Variants in KAT7 observed in about 807,000 individuals in gnomAD.
The protein encoded by KAT7 is lysine acetyltransferase 7, also known as histone acetyltransferase KAT7.
KAT7 carries 10 observed loss-of-function variants against 82.1 expected under a neutral mutation model. That is an observed-to-expected ratio of 0.12 (90% CI 0.08 to 0.21). The LOEUF (loss-of-function observed/expected upper bound fraction) is 0.21. KAT7 is among the 10% of genes least tolerant of loss of function. KAT7 has a pLI of 1.00. For synonymous variants in KAT7, 250 were observed against 262.5 expected (o/e 0.95, Z 0.46); for missense variants, 378 against 760.9 (o/e 0.50, Z 5.92).
At chr17:49,823,151 C>A in intron 11 of KAT7, 51 bp from the exon 12 acceptor site, 1 of 1,057,878 alleles carries the variant, frequency 9.5e-7, no homozygotes, top group Non-Finnish European at 1.5e-6. Flanking sequence ...GTGCTGAAAC[C>A]TTTGGTTTCA....
At chr17:49,821,834 G>A (rs370531234) in intron 11 of KAT7, 44 bp downstream of exon 11, 2 of 1,599,498 alleles carry the variant, frequency 1.3e-6, no homozygotes, top group Non-Finnish European at 1.7e-6. Flanking sequence ...CCAGAGCAGG[G>A]TGATCCATGT....
At chr17:49,808,269 G>A (rs113120031) in intron 5 of KAT7, among the ~76,000 whole-genome samples, 28 of 150,904 alleles carry the variant, frequency 1.9e-4, no homozygotes, top group African/African-American at 5.1e-4. Flanking sequence ...ACAGGTGTGC[G>A]CCACCACGCC....
chr17:49,817,894 G>A lies in KAT7; in HGVS notation c.1038G>A (p.Glu346=), dbSNP rs941266204. Residue 346 remains glutamate, a synonymous_variant, in exon 9 of 15, where the codon GAG becomes GAA. Coordinates refer to ENST00000259021, the MANE Select transcript of KAT7 (RefSeq NM_007067.5). Reference sequence around the variant, plus strand: ...AAACAATTGCTTTTGGCCGCTATGAGCTTGATACCTGGTATCATTCTCCAT... The same window carrying A: ...AAACAATTGCTTTTGGCCGCTATGAACTTGATACCTGGTATCATTCTCCAT... ...MIKTIAFGRY[E]LDTWYHSPYP... is the part of the protein sequence containing the mutation. The A allele has an allele frequency of 3.1e-6, 5 of 1,613,452 alleles. No individual in the cohort carries two copies. The African/African-American group carries it at 5.3e-5, about 17-fold the overall frequency.
intron 9 of KAT7, 50 bp from the exon 10 acceptor site, chr17:49,821,287 G>A: frequency 7.2e-7 from 1 of 1,391,340 alleles, no homozygotes. Context: ...TTGAGGAGCA[G>A]TCTTGTTGGG....
chr17:49,827,851 C>T lies in KAT7; in HGVS notation c.*349C>T, dbSNP rs948187669. 1.2e-4 allele frequency: 27 copies of T among 216,630 alleles called. No individual in the cohort carries two copies. The Admixed American group carries it at 1.3e-3, about 11-fold the overall frequency. The allele number at this position is 216,630 out of a possible 1,614,324, so 13.4% of individuals were successfully genotyped here. A position where few individuals can be genotyped will look rare whatever the true frequency, so the allele number is the denominator to read the frequency against. ...ATGAGGTTGTGTTGTGTCTTCTAAG[C>T]GTGGTACTAGTGCTTGCCACCTGGT... On this transcript the variant is annotated 3_prime_UTR_variant, in exon 15 of 15. Transcript: ENST00000259021.
At chr17:49,815,755 C>G (rs748512120) in intron 7 of KAT7, 48 bp from the exon 8 acceptor site, 1 of 1,137,816 alleles carries the variant, frequency 8.8e-7, no homozygotes. Flanking sequence ...TTAAAAAGTT[C>G]TTAGAAGCAG....
At chr17:49,795,226 A>G (rs1183381543) in intron 2 of KAT7, 2 of 154,858 alleles carry the variant, frequency 1.3e-5, no homozygotes, top group Non-Finnish European at 1.4e-5. Context: ...TACACAATGT[A>G]TACGTCTATC....
rs1478816760 is a variant in KAT7, at chr17:49,830,789, C to T, written c.*3287C>T. On this transcript the variant is annotated 3_prime_UTR_variant, in exon 15 of 15. Coordinates refer to ENST00000259021, the MANE Select transcript of KAT7 (RefSeq NM_007067.5). ...TTGATAGCCTGCACCCTCCCCTCTA[C>T]CGTTTTCTTCCACTATTTTTGATTC... 6.6e-6 allele frequency: 1 copy of T among 152,196 alleles called. No homozygotes were observed. Among genetic ancestry groups the T allele is most frequent in the Non-Finnish European group, 1.5e-5 (1 of 68,042 alleles). The allele number at this position is 152,196 out of a possible 1,614,324, so 9.4% of individuals were successfully genotyped here.
intron 7 of KAT7, among the ~76,000 whole-genome samples, chr17:49,811,934 G>T (rs898473357): frequency 1.2e-4 from 19 of 152,256 alleles, no homozygotes; most frequent in Non-Finnish European, 2.2e-4. Flanking sequence ...ATAGTAGTCT[G>T]CTTATTTTAA....
At chr17:49,803,432 T>G (rs929885867) in intron 4 of KAT7, among the ~76,000 whole-genome samples, 2 of 150,788 alleles carry the variant, frequency 1.3e-5, no homozygotes, top group African/African-American at 2.4e-5. Flanking sequence ...TTTATTTTAT[T>G]TTATTTTTTT....
At position 49,830,665 on chromosome 17, in the gene KAT7, C is replaced by G. The variant is rs1332523010; in HGVS notation, c.*3163C>G. On this transcript the variant is annotated 3_prime_UTR_variant, in exon 15 of 15. Coordinates refer to ENST00000259021, the MANE Select transcript of KAT7 (RefSeq NM_007067.5). ...GCCTCATTTGACCCTCATATTAGCC[C>G]TGTACAGTAGATGGGTACACTGGTT... The G allele has an allele frequency of 6.6e-6, 1 of 152,188 alleles. No individual in the cohort carries two copies. The highest frequency in any genetic ancestry group is 6.5e-5 in the Admixed American group (1 of 15,280). The allele number at this position is 152,188 out of a possible 1,614,324, so 9.4% of individuals were successfully genotyped here. A position where few individuals can be genotyped will look rare whatever the true frequency, so the allele number is the denominator to read the frequency against.
At chr17:49,811,177 G>T (rs1254955281) in intron 6 of KAT7, among the ~76,000 whole-genome samples, 2 of 151,082 alleles carry the variant, frequency 1.3e-5, no homozygotes, top group Non-Finnish European at 2.9e-5. Flanking sequence ...GGCATGACTG[G>T]CTCACTGCAA....
chr17:49,811,286 T>C (rs2074161936), intron 6 of KAT7, among the ~76,000 whole-genome samples, 190 bp from the exon 7 acceptor site: 1 of 151,930 alleles, frequency 6.6e-6, no homozygotes, highest in African/African-American at 2.4e-5. Flanking sequence ...TTTGTATTTT[T>C]AATAGAGATG....
In KAT7 at chr17:49,791,897, C is replaced by T. The variant is rs1567845536; in HGVS notation, c.27C>T (p.Gly9=). The T allele has an allele frequency of 1.2e-6, 2 of 1,614,064 alleles. No homozygotes were observed. The highest frequency in any genetic ancestry group is 1.7e-6 in the Non-Finnish European group (2 of 1,179,948). Residue 9 remains glycine, a synonymous_variant, in exon 2 of 15, where the codon GGC becomes GGT. Coordinates refer to ENST00000259021, the MANE Select transcript of KAT7 (RefSeq NM_007067.5). MPRRKRNA[G]SSSDGTEDSD... is the part of the protein sequence containing the mutation. ...CTATGGTATTACAGAGGAATGCAGG[C>T]AGTAGTTCAGATGGAACCGAAGATT...
intron 9 of KAT7, among the ~76,000 whole-genome samples, chr17:49,820,198 A>G (rs1167735674): frequency 2.0e-5 from 3 of 152,088 alleles, no homozygotes; most frequent in Non-Finnish European, 4.4e-5. Flanking sequence ...GCAGTGAGCT[A>G]TGATCGTGCT....
At chr17:49,791,574 C>G (rs1243275205) in intron 1 of KAT7, among the ~76,000 whole-genome samples, 3 of 152,242 alleles carry the variant, frequency 2.0e-5, no homozygotes, top group Non-Finnish European at 2.9e-5. Flanking sequence ...AGGAGAATCA[C>G]TTGAACCCGG....
rs1598053700 is a variant in KAT7, at chr17:49,796,631, T to C, written c.164-119T>C. ...TTTAATTAAATAGATATTTTAAGGA[T>C]TTGTTGGATTTTGTGAAATATGAAG... On this transcript the variant is annotated intron_variant, in intron 2 of 14. Transcript: ENST00000259021. The C allele has an allele frequency of 1.0e-5, 7 of 691,434 alleles. No individual in the cohort carries two copies. The East Asian group carries it at 2.0e-4, about 19-fold the overall frequency. 42.8% of individuals were successfully genotyped at this position (691,434 alleles called of 1,614,324 possible). A position where few individuals can be genotyped will look rare whatever the true frequency, so the allele number is the denominator to read the frequency against.
In KAT7 at chr17:49,831,408, C is replaced by G. The variant is rs545360284; in HGVS notation, c.*3906C>G. The stretch of plus-strand genomic sequence containing the variant: ...GTTTCTGATTTAGGAATAAACTGTT[C>G]AGTAAGCACTGTCCCTTTACTTCCA... On this transcript the variant is annotated 3_prime_UTR_variant, in exon 15 of 15. Transcript: ENST00000259021. The G allele has an allele frequency of 1.3e-5, 2 of 152,198 alleles. No homozygotes were observed. The highest frequency in any genetic ancestry group is 2.1e-4 in the South Asian group (1 of 4,824). The allele number at this position is 152,198 out of a possible 1,614,324, so 9.4% of individuals were successfully genotyped here. A position where few individuals can be genotyped will look rare whatever the true frequency, so the allele number is the denominator to read the frequency against.
chr17:49,797,109 G>A (rs1268487661), intron 3 of KAT7, among the ~76,000 whole-genome samples, 183 bp downstream of exon 3: 1 of 151,762 alleles, frequency 6.6e-6, no homozygotes. Context: ...TATTGCCCAG[G>A]CTGGAGTGCA....
Sources: gnomAD v4.1 joint callset for allele counts (sites outside exome capture counted in the v4.1 genomes callset) on GRCh38, gnomAD v4.1.1 for gene constraint, MANE v1.5 for transcripts, NCBI Gene and HGNC (gene_info 2026-07-23, HGNC 2026-07-21) for gene names.